Variants in CLDN10 observed in about 807,000 individuals in gnomAD.
The protein encoded by CLDN10 is claudin 10, also known as claudin-10.
Under a neutral mutation model 22.9 loss-of-function variants are expected in CLDN10, and 15 were observed. That is an observed-to-expected ratio of 0.65 (90% confidence interval 0.44 to 1.01). CLDN10 has a LOEUF of 1.01. Among genes scored for constraint, CLDN10 ranks in the 50% least tolerant of loss-of-function variants. The probability of loss-of-function intolerance (pLI) is 0.00; values close to 1 mark genes in which losing one functional copy is unlikely to be tolerated. For missense variants in CLDN10, 247 were observed against 287.8 expected (o/e 0.86, Z 1.03); for synonymous variants, 114 against 111.4 (o/e 1.02, Z -0.15).
chr13:95,454,006 G>A (rs80118215), intron 1 of CLDN10, among the ~76,000 whole-genome samples: 13,640 of 152,102 alleles, frequency 0.09, 871 homozygotes, highest in South Asian at 0.22. Context: ...ACCCTCCAAG[G>A]GTCCCAAGCG....
chr13:95,469,778 G>A (rs992818916), intron 1 of CLDN10, among the ~76,000 whole-genome samples: 2 of 152,164 alleles, frequency 1.3e-5, no homozygotes, highest in Non-Finnish European at 2.9e-5. Flanking sequence ...ATGCTTATGA[G>A]ACATTTGGTG....
chr13:95,558,618 T>C (rs1307548909), intron 1 of CLDN10, among the ~76,000 whole-genome samples: 1 of 152,198 alleles, frequency 6.6e-6, no homozygotes, highest in Non-Finnish European at 1.5e-5. Flanking sequence ...TTCAATTTCA[T>C]TCTTTTCCAA....
intron 3 of CLDN10, among the ~76,000 whole-genome samples, chr13:95,562,025 G>A (rs1566339211): frequency 1.3e-5 from 2 of 151,762 alleles, no homozygotes; most frequent in Non-Finnish European, 2.9e-5. Context: ...CATCTCCCAG[G>A]GTCAAGTGAT....
At chr13:95,500,406 C>T (rs1487900942) in intron 1 of CLDN10, among the ~76,000 whole-genome samples, 5 of 152,158 alleles carry the variant, frequency 3.3e-5, no homozygotes, top group East Asian at 3.9e-4. Flanking sequence ...AAGGAGAGTG[C>T]GCCTGGCAGA....
In CLDN10 at chr13:95,552,739, G is replaced by T. The variant is rs774863578; in HGVS notation, c.-15G>T. The T allele has an allele frequency of 1.9e-6, 3 of 1,603,918 alleles. No individual in the cohort carries two copies. Among genetic ancestry groups the T allele is most frequent in the African/African-American group, 2.7e-5 (2 of 74,802 alleles). ...GAGTGGGAGCCGGAGAGCGAGCGCG[G>T]CTGCAGCCGGCGGCATGGCTAGCAC... is the stretch of plus-strand genomic sequence containing the variant. On this transcript the variant is annotated 5_prime_UTR_variant, in exon 1 of 5. Transcript: ENST00000299339.
chr13:95,556,194 C>T (rs552532209), intron 1 of CLDN10, among the ~76,000 whole-genome samples: 1 of 152,124 alleles, frequency 6.6e-6, no homozygotes, highest in Non-Finnish European at 1.5e-5. Context: ...TACAGGCACC[C>T]ACTGCCACAC....
chr13:95,528,291 T>C (rs1360632780), intron 1 of CLDN10, among the ~76,000 whole-genome samples: 1 of 126,200 alleles, frequency 7.9e-6, no homozygotes, highest in Non-Finnish European at 1.7e-5. Context: ...TTATAAGGGG[T>C]TTCCCCTTTC....
chr13:95,459,151 T>C lies in CLDN10; in HGVS notation c.214+25104T>C, dbSNP rs2139087011. On this transcript the variant is annotated intron_variant, in intron 1 of 4. Transcript: ENST00000376873. The stretch of plus-strand genomic sequence containing the variant: ...TTGGACAGCTCTGTTCCTGTGGCAT[T>C]GCAGGGTACAACCCCACTCCTGGCT... Among the ~76,000 whole-genome samples the C allele has an allele frequency of 1.3e-5, 2 of 152,334 alleles. 1 individual carries two copies.
At chr13:95,493,462 C>A (rs1253416105) in intron 1 of CLDN10, among the ~76,000 whole-genome samples, 4 of 152,008 alleles carry the variant, frequency 2.6e-5, no homozygotes, top group Non-Finnish European at 5.9e-5. Context: ...ATGGTAACTC[C>A]CCACTTCCCC....
At chr13:95,542,215 C>T (rs1413350567) in intron 1 of CLDN10, among the ~76,000 whole-genome samples, 2 of 152,188 alleles carry the variant, frequency 1.3e-5, no homozygotes, top group African/African-American at 4.8e-5. Flanking sequence ...AAATCTACCC[C>T]CATGATCCAG....
At chr13:95,507,844 A>G (rs912723348) in intron 1 of CLDN10, among the ~76,000 whole-genome samples, 8 of 152,062 alleles carry the variant, frequency 5.3e-5, no homozygotes, top group Admixed American at 4.6e-4. Context: ...AGTGGTCTTG[A>G]ACTCCCAACC....
intron 1 of CLDN10, among the ~76,000 whole-genome samples, chr13:95,513,916 A>G (rs552222129): frequency 1.3e-5 from 2 of 152,234 alleles, no homozygotes; most frequent in Non-Finnish European, 2.9e-5. Flanking sequence ...GAAGAGCTGG[A>G]GCCAGCTTGC....
chr13:95,560,080 C>A, intron 1 of CLDN10, 52 bp from the exon 2 acceptor site: 1 of 1,503,328 alleles, frequency 6.7e-7, no homozygotes, highest in South Asian at 1.2e-5. Flanking sequence ...GAGGATTTCT[C>A]CCTGGACAGC....
intron 1 of CLDN10, among the ~76,000 whole-genome samples, chr13:95,475,509 A>T (rs974230748): frequency 2.0e-5 from 3 of 152,188 alleles, no homozygotes; most frequent in African/African-American, 7.2e-5. Context: ...AGCTGTGCTG[A>T]CTGAGCACTG....
intron 1 of CLDN10, among the ~76,000 whole-genome samples, chr13:95,437,021 A>T (rs1456916421): frequency 6.6e-6 from 1 of 152,220 alleles, no homozygotes; most frequent in Admixed American, 6.5e-5. Flanking sequence ...TAAGAAAGAA[A>T]AGCAGAAAAT....
At chr13:95,556,072 G>A (rs746886791) in intron 1 of CLDN10, among the ~76,000 whole-genome samples, 1 of 151,386 alleles carries the variant, frequency 6.6e-6, no homozygotes, top group Non-Finnish European at 1.5e-5. Flanking sequence ...TTGAGACAAA[G>A]TTTCACTCTG....
chr13:95,566,689 C>A (rs778683433), intron 3 of CLDN10, among the ~76,000 whole-genome samples: 1 of 152,184 alleles, frequency 6.6e-6, no homozygotes, highest in Non-Finnish European at 1.5e-5. Context: ...GTCAGGAAGT[C>A]TTTGCCCATG....
intron 3 of CLDN10, among the ~76,000 whole-genome samples, chr13:95,575,776 G>A (rs1045049587): frequency 6.6e-6 from 1 of 152,158 alleles, no homozygotes. Context: ...TCACCCTGAT[G>A]TCCCAGGAAA....
intron 1 of CLDN10, among the ~76,000 whole-genome samples, chr13:95,508,063 G>T (rs2043057342): frequency 6.6e-6 from 1 of 152,048 alleles, no homozygotes; most frequent in Non-Finnish European, 1.5e-5. Context: ...ACTCCAGCCT[G>T]GGTGACAGAG....
Sources: gnomAD v4.1 joint callset for allele counts (sites outside exome capture counted in the v4.1 genomes callset) on GRCh38, gnomAD v4.1.1 for gene constraint, MANE v1.5 for transcripts, NCBI Gene and HGNC (gene_info 2026-07-23, HGNC 2026-07-21) for gene names.